Variants in CCDC85A observed in about 807,000 individuals in gnomAD.
CCDC85A encodes the protein coiled-coil domain containing 85A.
Under a neutral mutation model 50.2 loss-of-function variants are expected in CCDC85A, and 38 were observed. The ratio of observed to expected loss-of-function variants is 0.76; its 90% confidence interval spans 0.58 to 0.99. The LOEUF (loss-of-function observed/expected upper bound fraction) is 0.99, where lower values mean the gene tolerates loss of function less well. CCDC85A is among the 50% of genes least tolerant of loss of function. CCDC85A has a pLI of 0.00. For synonymous variants in CCDC85A, 366 were observed against 301.4 expected (o/e 1.21, Z -2.22); for missense variants, 820 against 742.0 (o/e 1.11, Z -1.22).
intron 2 of CCDC85A, among the ~76,000 whole-genome samples, chr2:56,201,262 TA>T (rs1676737388): frequency 6.6e-6 from 1 of 152,206 alleles, no homozygotes; most frequent in Non-Finnish European, 1.5e-5. Context: ...GTAAGTCCTT[TA>T]AAAATTTTAA....
chr2:56,183,861 G>C (rs1675865032), upstream of CCDC85A: 4 of 984,914 alleles, frequency 4.1e-6, no homozygotes, highest in African/African-American at 5.2e-5. Flanking sequence ...CAGGACAGCC[G>C]GGAGCGCACC....
chr2:56,252,708 C>T lies in CCDC85A; in HGVS notation c.1240+59268C>T, dbSNP rs192793392. Among the ~76,000 whole-genome samples the T allele has an allele frequency of 9.1e-4, 138 of 152,220 alleles. 2 individuals are homozygous for T. In the East Asian group the frequency reaches 0.016, roughly 17 times the overall value. On this transcript the variant is annotated intron_variant, in intron 2 of 5. Coordinates refer to ENST00000407595, the MANE Select transcript of CCDC85A (RefSeq NM_001080433.2). ...CCCTCCTCGGGCCCCCCCGCCCAAC[C>T]GACAGGCCCCAGTGTGTGATGTTCC...
intron 2 of CCDC85A, among the ~76,000 whole-genome samples, chr2:56,339,208 A>G (rs1420948245): frequency 6.6e-6 from 1 of 152,138 alleles, no homozygotes. Context: ...TGAACTTAAA[A>G]TGTTTTTGCC....
chr2:56,186,146 C>T (rs62167290), intron 1 of CCDC85A, among the ~76,000 whole-genome samples: 22,303 of 152,128 alleles, frequency 0.15, 2,169 homozygotes, highest in Non-Finnish European at 0.22. Context: ...TCATATAGTC[C>T]CTAGAGTGGG....
At chr2:56,310,144 C>A (rs1354122494) in intron 2 of CCDC85A, among the ~76,000 whole-genome samples, 1 of 152,138 alleles carries the variant, frequency 6.6e-6, no homozygotes, top group South Asian at 2.1e-4. Context: ...TTTTTAACCA[C>A]TGTTTAACCT....
At chr2:56,203,525 C>G (rs1676831561) in intron 2 of CCDC85A, among the ~76,000 whole-genome samples, 1 of 152,120 alleles carries the variant, frequency 6.6e-6, no homozygotes, top group African/African-American at 2.4e-5. Context: ...GCTTATTGGC[C>G]TAGCACATAA....
chr2:56,222,795 T>G (rs1047358641), intron 2 of CCDC85A, among the ~76,000 whole-genome samples: 1 of 152,148 alleles, frequency 6.6e-6, no homozygotes, highest in Non-Finnish European at 1.5e-5. Flanking sequence ...ATGAACTTTC[T>G]TTTTCAAAAT....
intron 2 of CCDC85A, among the ~76,000 whole-genome samples, chr2:56,211,799 T>G (rs1054265573): frequency 5.3e-5 from 8 of 152,040 alleles, no homozygotes; most frequent in African/African-American, 1.9e-4. Flanking sequence ...TAGACCCACA[T>G]AATTTTTCAC....
chr2:56,319,998 T>A (rs1673096847), intron 2 of CCDC85A, among the ~76,000 whole-genome samples: 1 of 152,030 alleles, frequency 6.6e-6, no homozygotes, highest in Non-Finnish European at 1.5e-5. Flanking sequence ...TCAAAACCGC[T>A]CAACTACATG....
chr2:56,247,104 A>G (rs1331614801), intron 2 of CCDC85A, among the ~76,000 whole-genome samples: 8 of 152,196 alleles, frequency 5.3e-5, no homozygotes, highest in African/African-American at 1.7e-4. Flanking sequence ...TGGTTATGCT[A>G]TAGTGCAGGT....
At chr2:56,284,451 C>A (rs1199245729) in intron 2 of CCDC85A, among the ~76,000 whole-genome samples, 1 of 152,196 alleles carries the variant, frequency 6.6e-6, no homozygotes, top group African/African-American at 2.4e-5. Flanking sequence ...AGGCTCACTG[C>A]AACCTCAGCC....
intron 3 of CCDC85A, among the ~76,000 whole-genome samples, chr2:56,348,808 G>T (rs1319111422): frequency 6.6e-6 from 1 of 152,162 alleles, no homozygotes; most frequent in Non-Finnish European, 1.5e-5. Flanking sequence ...CCTTATGTGC[G>T]TTTCCTTGTT....
chr2:56,189,913 G>A (rs2103817119), intron 1 of CCDC85A, among the ~76,000 whole-genome samples: 1 of 152,298 alleles, frequency 6.6e-6, no homozygotes, highest in African/African-American at 2.4e-5. Context: ...CAAAGGTCAG[G>A]CCTGAAAACA....
chr2:56,221,052 G>C (rs1450713281), intron 2 of CCDC85A, among the ~76,000 whole-genome samples: 1 of 151,100 alleles, frequency 6.6e-6, no homozygotes, highest in Non-Finnish European at 1.5e-5. Context: ...AAAAAAGTCT[G>C]TGTTGAAGGT....
Position 56,193,148 on chromosome 2 carries a change from C to T in CCDC85A, c.948C>T (p.His316=). Residue 316 remains histidine (H), a synonymous_variant, in exon 2 of 6, where the codon CAC becomes CAT. Transcript: ENST00000407595. ...PKHVLSGSPE[H]FQKHRSGSSP... ...ACGTGCTGAGTGGGAGCCCGGAACACTTCCAGAAGCACCGGTCAGGGAGCA... is the reference window on the plus strand; with the variant it reads ...ACGTGCTGAGTGGGAGCCCGGAACATTTCCAGAAGCACCGGTCAGGGAGCA... 6.2e-7 allele frequency: 1 copy of T among 1,612,484 alleles called. No individual in the cohort carries two copies. The highest frequency in any genetic ancestry group is 1.1e-5 in the South Asian group (1 of 90,982).
At chr2:56,318,979 AATG>A (rs1227036859) in intron 2 of CCDC85A, among the ~76,000 whole-genome samples, 1 of 152,096 alleles carries the variant, frequency 6.6e-6, no homozygotes, top group Non-Finnish European at 1.5e-5. Context: ...ATTGTGCACC[AATG>A]ATGATTGTAG....
intron 2 of CCDC85A, among the ~76,000 whole-genome samples, chr2:56,260,337 A>C (rs1670165974): frequency 6.6e-6 from 1 of 152,222 alleles, no homozygotes; most frequent in Non-Finnish European, 1.5e-5. Flanking sequence ...TGAGGGTGGG[A>C]GTAAAAAGAA....
chr2:56,239,144 C>T (rs116290964), intron 2 of CCDC85A, among the ~76,000 whole-genome samples: 1 of 152,206 alleles, frequency 6.6e-6, no homozygotes, highest in African/African-American at 2.4e-5. Flanking sequence ...GTTCCCTAAG[C>T]AGACATTTCA....
intron 2 of CCDC85A, among the ~76,000 whole-genome samples, chr2:56,258,132 A>AG (rs759944220): frequency 9.9e-5 from 15 of 152,120 alleles, no homozygotes; most frequent in Non-Finnish European, 2.1e-4. Flanking sequence ...GTGAGAATGC[A>AG]GGGGATGGAG....
Sources: allele counts gnomAD v4.1 joint callset (sites outside exome capture counted in the v4.1 genomes callset), GRCh38; gene constraint gnomAD v4.1.1; transcripts MANE v1.5; gene names NCBI Gene and HGNC (gene_info 2026-07-23, HGNC 2026-07-21).